Variants in GDNF observed in about 807,000 individuals in gnomAD.
GDNF encodes glial cell derived neurotrophic factor.
Under a neutral mutation model 13.7 loss-of-function variants are expected in GDNF, and 5 were observed. The ratio of observed to expected loss-of-function variants is 0.36; its 90% CI spans 0.19 to 0.77. GDNF has a LOEUF of 0.77. Ranked by LOEUF, GDNF falls within the 30% of genes least tolerant of loss-of-function variation. The pLI is 0.51. For missense variants in GDNF, 246 were observed against 274.3 expected (o/e 0.90, Z 0.73); for synonymous variants, 122 against 112.5 (o/e 1.08, Z -0.53).
At chr5:37,825,540 TA>T (rs1750281790) in intron 2 of GDNF, among the ~76,000 whole-genome samples, 1 of 152,144 alleles carries the variant, frequency 6.6e-6, no homozygotes, top group Non-Finnish European at 1.5e-5. Flanking sequence ...ACTGCCCTTA[TA>T]AAAAACTTAA....
chr5:37,827,439 ATGCT>A (rs1303697653), intron 2 of GDNF, among the ~76,000 whole-genome samples: 2 of 152,240 alleles, frequency 1.3e-5, no homozygotes, highest in African/African-American at 4.8e-5. Context: ...ACGAGGCAAA[ATGCT>A]AAAAAAGAGG....
intron 2 of GDNF, among the ~76,000 whole-genome samples, chr5:37,823,615 C>G (rs943158487): frequency 1.3e-5 from 2 of 151,392 alleles, no homozygotes; most frequent in African/African-American, 4.8e-5. Flanking sequence ...CAGATCCAGA[C>G]AGAGAGGCCC....
intron 1 of GDNF, chr5:37,835,365 G>C: frequency 8.9e-7 from 1 of 1,127,248 alleles, no homozygotes; most frequent in African/African-American, 1.6e-5. Context: ...CTTCTGGCTA[G>C]TCGAGGGCAG....
At chr5:37,832,049 C>T (rs183033650) in intron 2 of GDNF, among the ~76,000 whole-genome samples, 2 of 152,276 alleles carry the variant, frequency 1.3e-5, no homozygotes, top group Admixed American at 1.3e-4. Context: ...TAATAGAATT[C>T]TGGATGTTTT....
At chr5:37,833,227 TAG>T (rs1277219574) in intron 2 of GDNF, among the ~76,000 whole-genome samples, 1 of 152,216 alleles carries the variant, frequency 6.6e-6, no homozygotes, top group Non-Finnish European at 1.5e-5. Flanking sequence ...CCCTCTTGTC[TAG>T]ACCGTTTGAG....
rs1750759272 is a variant in GDNF at position 37,837,735 on chromosome 5, C to T, written c.-27+1772G>A. On this transcript the variant is annotated intron_variant, in intron 1 of 2. Coordinates refer to ENST00000326524, the MANE Select transcript of GDNF (RefSeq NM_000514.4). This position sits in a 1 kb window ranked among gnomAD's most constrained non-coding sequence, Gnocchi z 6.5. ...GGCATCTCTGCTTTTCAGGCTCCCACCCCTCCATTCTCGCTGGTTTTCCTC... is the reference window on the plus strand; with the variant it reads ...GGCATCTCTGCTTTTCAGGCTCCCATCCCTCCATTCTCGCTGGTTTTCCTC... 6.6e-6 allele frequency among the ~76,000 whole-genome samples: 1 copy of T among 152,180 alleles called. No homozygotes were observed. Among genetic ancestry groups the T allele is most frequent in the Non-Finnish European group, 1.5e-5 (1 of 68,036 alleles).
At chr5:37,818,202 G>T (rs938851134) in intron 2 of GDNF, among the ~76,000 whole-genome samples, 2 of 152,316 alleles carry the variant, frequency 1.3e-5, no homozygotes, top group African/African-American at 4.8e-5. Context: ...ATCCAGGAGA[G>T]GCCTGATATG....
chr5:37,835,163 G>A (rs1750661028), intron 1 of GDNF, among the ~76,000 whole-genome samples: 1 of 149,592 alleles, frequency 6.7e-6, no homozygotes, highest in African/African-American at 2.5e-5. Flanking sequence ...CTCTACTGGT[G>A]CGCAACATCC....
At chr5:37,833,600 T>C (rs923763532) in intron 2 of GDNF, among the ~76,000 whole-genome samples, 1 of 152,202 alleles carries the variant, frequency 6.6e-6, no homozygotes, top group Non-Finnish European at 1.5e-5. Context: ...CACAGCTGAC[T>C]ACTGCAGGAC....
chr5:37,815,300 G>T lies in GDNF; in HGVS notation c.*351C>A. The T allele has an allele frequency of 2.8e-6, 1 of 356,418 alleles. No homozygotes were observed. Among genetic ancestry groups the T allele is most frequent in the Non-Finnish European group, 5.3e-6 (1 of 189,400 alleles). 22.1% of individuals were successfully genotyped at this position (356,418 alleles called of 1,614,324 possible). On this transcript the variant is annotated 3_prime_UTR_variant, in exon 3 of 3. Coordinates refer to ENST00000326524, the MANE Select transcript of GDNF (RefSeq NM_000514.4). This position sits in a 1 kb window ranked among gnomAD's most constrained non-coding sequence, Gnocchi z 5.0. ...TGGTTCAAGTGCATCCACCGCAACCGCGCCGGTAATCAGTGATGGTGGACT... is the reference window on the plus strand; with the variant it reads ...TGGTTCAAGTGCATCCACCGCAACCTCGCCGGTAATCAGTGATGGTGGACT...
At chr5:37,834,379 T>C (rs1750623092) in intron 2 of GDNF, among the ~76,000 whole-genome samples, 1 of 152,186 alleles carries the variant, frequency 6.6e-6, no homozygotes, top group African/African-American at 2.4e-5. Flanking sequence ...GGGGAGGATA[T>C]TTGTTCATCA....
chr5:37,834,682 C>T lies in GDNF; in HGVS notation c.115G>A (p.Gly39Ser). 4 of 1,607,160 alleles carry T rather than the reference C, an allele frequency of 2.5e-6. No homozygotes were observed. The highest frequency in any genetic ancestry group is 3.4e-6 in the Non-Finnish European group (4 of 1,176,950). Residue 39 changes from glycine to serine, a missense_variant, in exon 2 of 3, where the codon GGC becomes AGC. Physicochemically the swap from Gly to Ser is moderately conservative, Grantham distance 56. Coordinates refer to ENST00000326524, the MANE Select transcript of GDNF (RefSeq NM_000514.4). ...PEAPAEDRSL[G>S]RRRAPFALSS... ...AGCGCGAAGGGCGCGCGGCGGCGGC[C>T]GAGGGAGCGGTCTTCGGCGGGCGCC...
intron 2 of GDNF, among the ~76,000 whole-genome samples, chr5:37,828,746 T>TA (rs770455349): frequency 6.6e-6 from 1 of 152,242 alleles, no homozygotes; most frequent in African/African-American, 2.4e-5. Flanking sequence ...AGCTCAGACT[T>TA]ACTTGATTTC....
intron 1 of GDNF, among the ~76,000 whole-genome samples, chr5:37,836,929 C>T (rs973078515): frequency 1.3e-5 from 2 of 152,254 alleles, no homozygotes; most frequent in Admixed American, 1.3e-4. Context: ...GGAAAACTCC[C>T]CGCGTCGCCA....
At chr5:37,821,492 G>A (rs1036211296) in intron 2 of GDNF, among the ~76,000 whole-genome samples, 9 of 152,056 alleles carry the variant, frequency 5.9e-5, no homozygotes, top group African/African-American at 1.7e-4. Context: ...CTGCTTGGAG[G>A]ATATATCTTG....
chr5:37,823,569 C>T (rs1214616553), intron 2 of GDNF, among the ~76,000 whole-genome samples: 1 of 152,188 alleles, frequency 6.6e-6, no homozygotes, highest in Non-Finnish European at 1.5e-5. Flanking sequence ...GGCGATTTCC[C>T]AGTTAAAACC....
intron 1 of GDNF, chr5:37,835,968 T>G: frequency 2.2e-6 from 1 of 445,664 alleles, no homozygotes; most frequent in Non-Finnish European, 4.1e-6. Context: ...GGGGGTGGGT[T>G]AGAAAAAGGG....
At chr5:37,830,060 T>C (rs1253965562) in intron 2 of GDNF, among the ~76,000 whole-genome samples, 1 of 152,238 alleles carries the variant, frequency 6.6e-6, no homozygotes, top group Non-Finnish European at 1.5e-5. Context: ...CTAAATTCTG[T>C]ATTTCATAAC....
intron 1 of GDNF, chr5:37,835,951 C>T (rs767146835): frequency 2.1e-6 from 1 of 465,164 alleles, no homozygotes; most frequent in South Asian, 3.1e-5. Flanking sequence ...AGGAGGGCCA[C>T]GCAGCTGGGG....
Sources: allele counts gnomAD v4.1 joint callset (sites outside exome capture counted in the v4.1 genomes callset), GRCh38; gene constraint gnomAD v4.1.1; non-coding constraint Gnocchi (gnomAD v3.1); transcripts MANE v1.5; gene names NCBI Gene and HGNC (gene_info 2026-07-23, HGNC 2026-07-21).